SORCS3: variants seen among roughly 807,000 people sequenced by gnomAD.
SORCS3 encodes the protein VPS10 domain-containing receptor SorCS3.
In SORCS3, 57 loss-of-function variants were observed where a neutral mutation model predicts 146.3. The observed-to-expected ratio is 0.39, with a 90% CI of 0.31 to 0.49. The LOEUF (loss-of-function observed/expected upper bound fraction) is 0.49, where lower values mean the gene tolerates loss of function less well. Ranked by LOEUF, SORCS3 falls within the 20% of genes least tolerant of loss-of-function variation. The pLI is 0.92. For synonymous variants in SORCS3, 653 were observed against 618.5 expected, an observed-to-expected ratio of 1.06 and a Z score of -0.83; for missense variants, 1,341 against 1,575.5, an observed-to-expected ratio of 0.85 and a Z score of 2.52.
intron 7 of SORCS3, among the ~76,000 whole-genome samples, chr10:105,116,880 A>G (rs1034687517): frequency 1.3e-5 from 2 of 152,120 alleles, no homozygotes; most frequent in Non-Finnish European, 1.5e-5. Flanking sequence ...CCCGAGGCCT[A>G]CTTAAAAGTG....
intron 5 of SORCS3, among the ~76,000 whole-genome samples, chr10:105,069,922 C>G (rs1237746436): frequency 6.6e-6 from 1 of 152,172 alleles, no homozygotes; most frequent in South Asian, 2.1e-4. Context: ...CGATCCCAAC[C>G]TATCCCCCAG....
At chr10:104,806,718 G>C (rs1434961515) in intron 1 of SORCS3, among the ~76,000 whole-genome samples, 3 of 152,124 alleles carry the variant, frequency 2.0e-5, no homozygotes, top group Non-Finnish European at 2.9e-5. Context: ...GTTTAAAATG[G>C]TATATGTACT....
intron 1 of SORCS3, among the ~76,000 whole-genome samples, chr10:104,778,572 A>C (rs916500450): frequency 5.3e-5 from 8 of 152,222 alleles, no homozygotes; most frequent in Non-Finnish European, 8.8e-5. Flanking sequence ...GCATCAAAGC[A>C]CCAGCTCAGT....
chr10:104,829,421 G>A (rs982184752), intron 1 of SORCS3, among the ~76,000 whole-genome samples: 2 of 152,172 alleles, frequency 1.3e-5, no homozygotes, highest in African/African-American at 4.8e-5. Flanking sequence ...GTAGAGAACA[G>A]GAGAAGGGCT....
At position 105,264,712 on chromosome 10, in the gene SORCS3, C is replaced by T. The variant is rs2056981502; in HGVS notation, c.*1338C>T. ...TCAGTTCCCTTAAGGTAGTTCTTGC[C>T]TCTGGGGTGAGTGGCTTTCAAAGCC... On this transcript the variant is annotated 3_prime_UTR_variant, in exon 27 of 27. Coordinates refer to ENST00000369701, the MANE Select transcript of SORCS3 (RefSeq NM_014978.3). 6.6e-6 allele frequency: 1 copy of T among 152,626 alleles called. No individual in the cohort carries two copies. 9.5% of individuals were successfully genotyped at this position (152,626 alleles called of 1,614,324 possible). A position where few individuals can be genotyped will look rare whatever the true frequency, so the allele number is the denominator to read the frequency against.
At chr10:104,745,760 A>T (rs1244541090) in intron 1 of SORCS3, among the ~76,000 whole-genome samples, 1 of 152,076 alleles carries the variant, frequency 6.6e-6, no homozygotes, top group East Asian at 1.9e-4. Flanking sequence ...GCCCCCAGAC[A>T]CCAGCATTTC....
At chr10:105,234,772 G>A in intron 20 of SORCS3, among the ~76,000 whole-genome samples, 1 of 151,644 alleles carries the variant, frequency 6.6e-6, no homozygotes, top group East Asian at 1.9e-4. Flanking sequence ...TTGGCATGCT[G>A]TCTACCTTAT....
chr10:104,880,971 ACTTGTT>A (rs2018624334), intron 2 of SORCS3, among the ~76,000 whole-genome samples: 1 of 152,176 alleles, frequency 6.6e-6, no homozygotes, highest in African/African-American at 2.4e-5. Context: ...TGCATATCTG[ACTTGTT>A]AAAACATATA....
chr10:105,086,648 G>A (rs1458714768), intron 5 of SORCS3, among the ~76,000 whole-genome samples: 1 of 152,122 alleles, frequency 6.6e-6, no homozygotes. Flanking sequence ...AGTATTTATT[G>A]ACCACAATCA....
At position 105,217,071 on chromosome 10, in the gene SORCS3, G is replaced by T; in HGVS notation, c.2683G>T (p.Ala895Ser). 1 of 1,614,190 alleles carries T rather than the reference G, an allele frequency of 6.2e-7. No homozygotes were observed. The highest frequency in any genetic ancestry group is 8.5e-7 in the Non-Finnish European group (1 of 1,180,018). Residue 895 changes from alanine (A) to serine (S), a missense_variant, in exon 19 of 27, where the codon GCA becomes TCA. Physicochemically the swap from Ala to Ser is moderately conservative, Grantham distance 99. Coordinates refer to ENST00000369701, the MANE Select transcript of SORCS3 (RefSeq NM_014978.3). The stretch of plus-strand genomic sequence containing the variant: ...GGGGATCTTCCAGGTGACAGCCTAT[G>T]CAGAGAACAACCTTGGCTCAGACAC... The part of the protein sequence containing the change: ...SAGIFQVTAY[A>S]ENNLGSDTAV...
chr10:104,844,497 G>A (rs566160658), intron 2 of SORCS3, among the ~76,000 whole-genome samples: 2 of 152,242 alleles, frequency 1.3e-5, no homozygotes, highest in Admixed American at 6.5e-5. Context: ...GTTATGAAGG[G>A]TGTTTCTCAC....
At chr10:104,865,237 A>T (rs2018446644) in intron 2 of SORCS3, among the ~76,000 whole-genome samples, 1 of 152,192 alleles carries the variant, frequency 6.6e-6, no homozygotes, top group Non-Finnish European at 1.5e-5. Context: ...GTGTGAAAGA[A>T]GGAAAGAAGG....
chr10:105,249,738 T>C (rs2056888048), intron 22 of SORCS3, among the ~76,000 whole-genome samples: 1 of 151,970 alleles, frequency 6.6e-6, no homozygotes, highest in Non-Finnish European at 1.5e-5. Flanking sequence ...AAAAAAAATT[T>C]ATCCGGGCAT....
rs1409279522 is a variant in SORCS3 at position 104,915,835 on chromosome 10, C to T, written c.698C>T (p.Ser233Leu). ...TCTGTTTTCTCTTTTACCTGCAGGT[C>T]GACAGATTATGGCACCACCTATGAA... Reference protein sequence around the residue: ...GSVTESSLWRSTDYGTTYEKL... With the variant: ...GSVTESSLWRLTDYGTTYEKL... The change falls in exon 3 of 27, where the codon TCG (serine) becomes TTG (leucine). Residue 233 changes from serine (S) to leucine (L), a missense_variant and splice_region_variant. By Grantham distance (145) the Ser-to-Leu change is moderately radical. Coordinates refer to ENST00000369701, the MANE Select transcript of SORCS3 (RefSeq NM_014978.3). 9 of 1,613,628 alleles carry T rather than the reference C, an allele frequency of 5.6e-6. No individual in the cohort carries two copies. Among genetic ancestry groups the T allele is most frequent in the East Asian group, 2.2e-5 (1 of 44,862 alleles).
At chr10:105,118,459 A>G (rs1315001647) in intron 7 of SORCS3, among the ~76,000 whole-genome samples, 1 of 152,192 alleles carries the variant, frequency 6.6e-6, no homozygotes, top group Non-Finnish European at 1.5e-5. Flanking sequence ...AGACTAATAT[A>G]GTAAATTGGT....
intron 1 of SORCS3, among the ~76,000 whole-genome samples, chr10:104,729,188 G>A (rs1227004827): frequency 6.6e-6 from 1 of 152,166 alleles, no homozygotes; most frequent in Non-Finnish European, 1.5e-5. Context: ...GAATCATCAT[G>A]GGATAAACAA....
chr10:105,045,038 A>AG (rs1425403516), intron 5 of SORCS3, among the ~76,000 whole-genome samples: 338 of 116,538 alleles, frequency 2.9e-3, no homozygotes, highest in South Asian at 8.9e-3. Context: ...AAAAAAAAAA[A>AG]AAAGAAAGAA....
At chr10:105,016,155 A>ATATTTTTTTT (rs71482443) in intron 4 of SORCS3, among the ~76,000 whole-genome samples, 2 of 101,344 alleles carry the variant, frequency 2.0e-5, no homozygotes, top group African/African-American at 4.8e-5. Context: ...ATATATATAT[A>ATATTTTTTTT]TTTTTTTTTT....
Position 105,061,917 on chromosome 10 carries a change from G to T in SORCS3, c.1028+18789G>T, listed in dbSNP as rs1222936166. On this transcript the variant is annotated intron_variant, in intron 5 of 26. Coordinates refer to ENST00000369701, the MANE Select transcript of SORCS3 (RefSeq NM_014978.3). ...AGGGGAGGGGTGTGACCCTAATGAG[G>T]TGGCTGTCATCAGCTGCGGAAAATT... 5.9e-5 allele frequency among the ~76,000 whole-genome samples: 9 copies of T among 152,218 alleles called. No individual in the cohort carries two copies. In the South Asian group the frequency reaches 1.9e-3, roughly 32 times the overall value.
Sources: gnomAD v4.1 joint callset for allele counts (sites outside exome capture counted in the v4.1 genomes callset) on GRCh38, gnomAD v4.1.1 for gene constraint, MANE v1.5 for transcripts, NCBI Gene and HGNC (gene_info 2026-07-23, HGNC 2026-07-21) for gene names.